SKAP2: variants seen among roughly 807,000 people sequenced by gnomAD.
The protein encoded by SKAP2 is src kinase-associated phosphoprotein 2.
A neutral mutation model predicts 54.9 loss-of-function variants in SKAP2; 28 were observed. That is an observed-to-expected ratio of 0.51 (90% CI 0.38 to 0.70). SKAP2 has a LOEUF of 0.70. SKAP2 is among the 30% of genes least tolerant of loss of function. The pLI, the probability that SKAP2 is intolerant of heterozygous loss-of-function variation, is 0.00. For synonymous variants in SKAP2, 137 were observed against 134.3 expected, an observed-to-expected ratio of 1.02 and a Z score of -0.14; for missense variants, 356 against 424.1, an observed-to-expected ratio of 0.84 and a Z score of 1.41.
intron 4 of SKAP2, among the ~76,000 whole-genome samples, chr7:26,787,040 A>G (rs1323309056): frequency 6.6e-6 from 1 of 152,190 alleles, no homozygotes; most frequent in African/African-American, 2.4e-5. Context: ...GAAGTTCTCA[A>G]GTAAACTCAT....
intron 4 of SKAP2, among the ~76,000 whole-genome samples, chr7:26,797,536 T>C (rs1338132801): frequency 6.6e-6 from 1 of 152,112 alleles, no homozygotes; most frequent in African/African-American, 2.4e-5. Flanking sequence ...ACTCAAGTCC[T>C]TTAAAATATC....
At chr7:26,845,408 G>A (rs1784901379) in intron 3 of SKAP2, among the ~76,000 whole-genome samples, 1 of 152,068 alleles carries the variant, frequency 6.6e-6, no homozygotes, top group Non-Finnish European at 1.5e-5. Flanking sequence ...TGTCATCAGA[G>A]ACATCTCTCA....
intron 4 of SKAP2, among the ~76,000 whole-genome samples, chr7:26,785,485 C>T (rs938625159): frequency 4.6e-5 from 7 of 152,040 alleles, no homozygotes; most frequent in African/African-American, 1.7e-4. Context: ...CGCGCCCGGC[C>T]GAGGAAACAA....
At chr7:26,791,210 T>C (rs779396661) in intron 4 of SKAP2, among the ~76,000 whole-genome samples, 19 of 152,206 alleles carry the variant, frequency 1.2e-4, no homozygotes, top group Non-Finnish European at 2.5e-4. Context: ...ATTTCTGTAA[T>C]ACCAAAAGTG....
intron 6 of SKAP2, among the ~76,000 whole-genome samples, chr7:26,730,989 T>G (rs1787813577): frequency 6.6e-6 from 1 of 152,146 alleles, no homozygotes; most frequent in African/African-American, 2.4e-5. Flanking sequence ...CATATTATAT[T>G]CCCAGCACTG....
intron 9 of SKAP2, among the ~76,000 whole-genome samples, chr7:26,719,722 C>T (rs1159983218): frequency 2.6e-5 from 4 of 152,150 alleles, no homozygotes; most frequent in Non-Finnish European, 5.9e-5. Flanking sequence ...TTCAATACTA[C>T]TCCTTGAAGG....
chr7:26,834,242 A>G (rs1584417301), intron 4 of SKAP2, among the ~76,000 whole-genome samples: 2 of 152,226 alleles, frequency 1.3e-5, no homozygotes, highest in Non-Finnish European at 2.9e-5. Context: ...GAGAAAGCAG[A>G]AAAGATCTAA....
intron 3 of SKAP2, among the ~76,000 whole-genome samples, chr7:26,851,908 A>G (rs1785052531): frequency 6.6e-6 from 1 of 152,126 alleles, no homozygotes; most frequent in Non-Finnish European, 1.5e-5. Context: ...AACTCTTTTT[A>G]TTTAAGAACT....
chr7:26,744,032 T>C (rs1010255221), intron 4 of SKAP2, among the ~76,000 whole-genome samples: 20 of 152,140 alleles, frequency 1.3e-4, no homozygotes, highest in Admixed American at 1.1e-3. Flanking sequence ...GCTTCAAGTA[T>C]GGATACTAGA....
intron 9 of SKAP2, 73 bp downstream of exon 9, chr7:26,725,355 C>A (rs1379397069): frequency 1.0e-5 from 12 of 1,142,978 alleles, no homozygotes; most frequent in Admixed American, 2.2e-5. Flanking sequence ...ATCACACACA[C>A]AAACACACAC....
intron 4 of SKAP2, among the ~76,000 whole-genome samples, chr7:26,757,595 A>G (rs1268113686): frequency 2.0e-5 from 3 of 152,180 alleles, no homozygotes; most frequent in Admixed American, 2.0e-4. Flanking sequence ...TATAGTTTGA[A>G]GTCAGGTAGC....
intron 4 of SKAP2, among the ~76,000 whole-genome samples, chr7:26,822,556 A>G (rs1379250445): frequency 6.6e-6 from 1 of 152,048 alleles, no homozygotes; most frequent in Non-Finnish European, 1.5e-5. Context: ...CTGAAACATA[A>G]CAACACTGAA....
At chr7:26,683,524 T>TGATG (rs1395923404) in intron 11 of SKAP2, among the ~76,000 whole-genome samples, 3 of 108,120 alleles carry the variant, frequency 2.8e-5, no homozygotes, top group African/African-American at 3.8e-5. Flanking sequence ...AGGTGCTTTA[T>TGATG]GATGGATGGA....
At chr7:26,736,434 A>C (rs1015934141) in intron 6 of SKAP2, among the ~76,000 whole-genome samples, 1 of 79,878 alleles carries the variant, frequency 1.3e-5, no homozygotes, top group East Asian at 9.0e-4. Context: ...ATATGGCTTA[A>C]AAAGGGGGAG....
intron 4 of SKAP2, among the ~76,000 whole-genome samples, chr7:26,840,043 CCT>C (rs941742119): frequency 4.0e-5 from 6 of 151,540 alleles, no homozygotes; most frequent in Admixed American, 2.0e-4. Context: ...TTTCTTAATC[CCT>C]GAGATTTAAA....
chr7:26,794,425 T>C (rs1315978987), intron 4 of SKAP2, among the ~76,000 whole-genome samples: 1 of 152,248 alleles, frequency 6.6e-6, no homozygotes, highest in African/African-American at 2.4e-5. Flanking sequence ...TCCTTGTCTA[T>C]AAGGAACATC....
intron 9 of SKAP2, among the ~76,000 whole-genome samples, chr7:26,720,282 C>T (rs1464791305): frequency 5.3e-5 from 8 of 152,106 alleles, no homozygotes; most frequent in Admixed American, 4.6e-4. Flanking sequence ...GTTAAGCCAT[C>T]CCTTGTAATG....
intron 4 of SKAP2, among the ~76,000 whole-genome samples, chr7:26,761,735 C>T (rs1384302656): frequency 6.6e-6 from 1 of 152,046 alleles, no homozygotes; most frequent in Admixed American, 6.6e-5. Flanking sequence ...CCTGTCTCTA[C>T]TAAAAATAGA....
chr7:26,756,172 T>C (rs558582183), intron 4 of SKAP2, among the ~76,000 whole-genome samples: 3 of 152,344 alleles, frequency 2.0e-5, no homozygotes, highest in South Asian at 2.1e-4. Context: ...ACTTTTTTAA[T>C]ACTTTTTGTT....
Sources: allele counts gnomAD v4.1 joint callset (sites outside exome capture counted in the v4.1 genomes callset), GRCh38; gene constraint gnomAD v4.1.1; transcripts MANE v1.5; gene names NCBI Gene and HGNC (gene_info 2026-07-23, HGNC 2026-07-21).